CSMD3: variants seen among roughly 807,000 people sequenced by gnomAD.
CSMD3 encodes the protein CUB and Sushi multiple domains 3.
Under a neutral mutation model 435.2 loss-of-function variants are expected in CSMD3, and 177 were observed. The ratio of observed to expected loss-of-function variants is 0.41; its 90% CI spans 0.36 to 0.46. CSMD3 has a LOEUF of 0.46. CSMD3 is among the 20% of genes least tolerant of loss of function. CSMD3 has a pLI of 0.34. For synonymous variants in CSMD3, 1,656 were observed against 1,520.5 expected, an observed-to-expected ratio of 1.09 and a Z score of -2.07; for missense variants, 4,265 against 4,504.6, an observed-to-expected ratio of 0.95 and a Z score of 1.52.
At chr8:113,129,248 T>C (rs917228880) in intron 4 of CSMD3, among the ~76,000 whole-genome samples, 15 of 152,146 alleles carry the variant, frequency 9.9e-5, no homozygotes, top group African/African-American at 3.4e-4. Context: ...TTATTTCTTC[T>C]TGGGGGATAT....
intron 23 of CSMD3, among the ~76,000 whole-genome samples, chr8:112,580,583 C>T (rs1447980464): frequency 6.6e-6 from 1 of 151,372 alleles, no homozygotes; most frequent in Non-Finnish European, 1.5e-5. Context: ...GCAATTGATC[C>T]TGAGCCAGCC....
rs975721158 is a variant in CSMD3, at chr8:112,536,088, T to G, written c.4564+14583A>C. The stretch of plus-strand genomic sequence containing the variant: ...AAAACCCTAGAAGAAAACTTAGGCA[T>G]TAGCATTCAGGACATAGGCATGGGC... On this transcript the variant is annotated intron_variant, in intron 27 of 70. Coordinates refer to ENST00000297405, the MANE Select transcript of CSMD3 (RefSeq NM_198123.2). Among the ~76,000 whole-genome samples, 12 of 152,246 alleles carry G rather than the reference T, an allele frequency of 7.9e-5. No homozygotes were observed. In the South Asian group the frequency reaches 8.3e-4, roughly 11 times the overall value.
At position 113,152,945 on chromosome 8, in the gene CSMD3, T is replaced by C. The variant is rs543176528; in HGVS notation, c.709+20777A>G. 6.8e-5 allele frequency among the ~76,000 whole-genome samples: 10 copies of C among 146,792 alleles called. No individual in the cohort carries two copies. The East Asian group carries it at 2.0e-3, about 30-fold the overall frequency. ...GTGATTGCACCACTGCACTCCAGCC[T>C]GGACGACAGAGTGAGACTCTTTCAG... On this transcript the variant is annotated intron_variant, in intron 4 of 70. Coordinates refer to ENST00000297405, the MANE Select transcript of CSMD3 (RefSeq NM_198123.2).
At chr8:112,814,772 A>T (rs977093117) in intron 12 of CSMD3, among the ~76,000 whole-genome samples, 63 of 148,932 alleles carry the variant, frequency 4.2e-4, no homozygotes, top group Admixed American at 3.7e-3. Context: ...ACAGAGCAAG[A>T]CTCCATCTCA....
At chr8:112,342,989 A>T (rs1254280102) in intron 41 of CSMD3, among the ~76,000 whole-genome samples, 1 of 40,052 alleles carries the variant, frequency 2.5e-5, no homozygotes, top group Non-Finnish European at 6.2e-5. Context: ...ATATATATTT[A>T]TATATATATA....
At chr8:112,680,668 A>G (rs1047923183) in intron 16 of CSMD3, among the ~76,000 whole-genome samples, 1 of 152,156 alleles carries the variant, frequency 6.6e-6, no homozygotes, top group Non-Finnish European at 1.5e-5. Flanking sequence ...ACCTGATATT[A>G]CTAATGAGAA....
chr8:113,295,477 A>G (rs1377617774), intron 2 of CSMD3, among the ~76,000 whole-genome samples: 6 of 152,228 alleles, frequency 3.9e-5, no homozygotes, highest in Non-Finnish European at 2.9e-5. Context: ...ATAAAAAATA[A>G]TACTGTTTTA....
At chr8:112,245,750 C>T (rs373593342) in intron 64 of CSMD3, among the ~76,000 whole-genome samples, 39 of 152,256 alleles carry the variant, frequency 2.6e-4, no homozygotes, top group African/African-American at 9.1e-4. Flanking sequence ...GGTGACCAGG[C>T]TGGTCTCGAA....
At chr8:112,941,087 G>C (rs1459007) in intron 9 of CSMD3, among the ~76,000 whole-genome samples, 2 of 151,550 alleles carry the variant, frequency 1.3e-5, no homozygotes, top group Non-Finnish European at 3.0e-5. Context: ...AAGAACCAGA[G>C]AGTAACTGAT....
chr8:112,681,565 G>C (rs552140419), intron 16 of CSMD3, among the ~76,000 whole-genome samples: 3 of 151,652 alleles, frequency 2.0e-5, no homozygotes, highest in Non-Finnish European at 4.4e-5. Flanking sequence ...TTTCATATGA[G>C]TGTATATATA....
intron 13 of CSMD3, among the ~76,000 whole-genome samples, chr8:112,701,653 C>T (rs2076391244): frequency 6.6e-6 from 1 of 152,188 alleles, no homozygotes; most frequent in Non-Finnish European, 1.5e-5. Context: ...CACCCCTGCA[C>T]ACTCTGAAGG....
intron 35 of CSMD3, among the ~76,000 whole-genome samples, chr8:112,394,564 C>T (rs569608995): frequency 2.6e-5 from 4 of 152,270 alleles, no homozygotes; most frequent in East Asian, 3.9e-4. Context: ...GTGTTCCAGA[C>T]ACTGTGGCTT....
intron 5 of CSMD3, among the ~76,000 whole-genome samples, chr8:113,074,253 TCTCA>T (rs1218978765): frequency 6.6e-6 from 1 of 151,758 alleles, no homozygotes; most frequent in Non-Finnish European, 1.5e-5. Flanking sequence ...CAAACTTCAT[TCTCA>T]CTGTTTCTCT....
chr8:112,636,788 C>A (rs566076631), intron 22 of CSMD3, 29 bp downstream of exon 22: 2 of 1,590,738 alleles, frequency 1.3e-6, no homozygotes, highest in Non-Finnish European at 1.7e-6. Flanking sequence ...ACTACACATA[C>A]AAGCAAATGA....
chr8:112,687,649 T>C lies in CSMD3; in HGVS notation c.2156-1917A>G, dbSNP rs543621662. Among the ~76,000 whole-genome samples the C allele has an allele frequency of 3.1e-4, 47 of 152,304 alleles. 1 individual carries two copies. Among genetic ancestry groups the C allele is most frequent in the African/African-American group, 1.0e-3 (42 of 41,578 alleles). ...TATCATTCAAAAATATTTTGTACTT[T>C]GAATCTATTTATTTTCTGCATAATT... On this transcript the variant is annotated intron_variant, in intron 14 of 70. Transcript: ENST00000297405.
intron 9 of CSMD3, among the ~76,000 whole-genome samples, chr8:112,947,512 C>T (rs1411954222): frequency 1.3e-5 from 2 of 151,434 alleles, no homozygotes; most frequent in African/African-American, 4.8e-5. Context: ...AAAACTGGAA[C>T]TCAAAGTTAT....
chr8:113,349,969 G>A (rs1391381098), intron 1 of CSMD3, among the ~76,000 whole-genome samples: 1 of 151,990 alleles, frequency 6.6e-6, no homozygotes. Context: ...TACCTCTTGA[G>A]AAGCCTGGCA....
chr8:112,433,739 C>G (rs528141596), intron 32 of CSMD3, among the ~76,000 whole-genome samples: 2 of 149,222 alleles, frequency 1.3e-5, no homozygotes, highest in Admixed American at 6.7e-5. Context: ...GAAAAATAAT[C>G]ATAACTGTTT....
intron 13 of CSMD3, among the ~76,000 whole-genome samples, chr8:112,772,162 T>C (rs538781147): frequency 3.1e-4 from 42 of 137,354 alleles, no homozygotes; most frequent in Middle Eastern, 3.5e-3. Context: ...ATAAAGGGCA[T>C]TGACTAAAAA....
Sources: allele counts gnomAD v4.1 joint callset (sites outside exome capture counted in the v4.1 genomes callset), GRCh38; gene constraint gnomAD v4.1.1; transcripts MANE v1.5; gene names NCBI Gene and HGNC (gene_info 2026-07-23, HGNC 2026-07-21).